NIBAN1: variants seen among roughly 807,000 people sequenced by gnomAD.
NIBAN1 encodes protein Niban 1.
NIBAN1 carries 81 observed loss-of-function variants against 75.1 expected under a neutral mutation model. That is an observed-to-expected ratio of 1.08 (90% CI 0.90 to 1.30). NIBAN1 has a LOEUF of 1.30. Ranked by LOEUF, NIBAN1 falls within the 50% of genes most tolerant of loss-of-function variation. NIBAN1 has a pLI of 0.00. For missense variants in NIBAN1, 1,133 were observed against 1,128.1 expected (o/e 1.00, Z -0.06); for synonymous variants, 436 against 424.8 (o/e 1.03, Z -0.32).
At chr1:184,801,876 C>T (rs1279808976) in intron 12 of NIBAN1, among the ~76,000 whole-genome samples, 1 of 152,196 alleles carries the variant, frequency 6.6e-6, no homozygotes, top group Non-Finnish European at 1.5e-5. Context: ...CATGAAGTGA[C>T]CAACTTTACA....
rs112909986 is a variant in NIBAN1, at chr1:184,961,358, C to G, written c.55+12944G>C. On this transcript the variant is annotated intron_variant, in intron 1 of 13. Coordinates refer to ENST00000367511, the MANE Select transcript of NIBAN1 (RefSeq NM_052966.4). ...TGCTGGGATTACAGTAGTGAGCCACCGCGCCCAGCCTACATGCTGTTCTTT... is the reference window on the plus strand; with the variant it reads ...TGCTGGGATTACAGTAGTGAGCCACGGCGCCCAGCCTACATGCTGTTCTTT... Among the ~76,000 whole-genome samples, 1,307 of 152,092 alleles carry G rather than the reference C, an allele frequency of 8.6e-3. 15 individuals are homozygous for G. Among genetic ancestry groups the G allele is most frequent in the South Asian group, 0.019 (92 of 4,820 alleles).
chr1:184,805,578 A>C (rs1429574321), intron 11 of NIBAN1, among the ~76,000 whole-genome samples: 5 of 152,214 alleles, frequency 3.3e-5, no homozygotes, highest in Admixed American at 6.5e-5. Flanking sequence ...TCGCCAGTTT[A>C]ATGGATTTTA....
intron 1 of NIBAN1, among the ~76,000 whole-genome samples, chr1:184,944,030 T>C (rs1658161776): frequency 6.6e-6 from 1 of 152,184 alleles, no homozygotes; most frequent in Non-Finnish European, 1.5e-5. Context: ...GCAACAGCTA[T>C]ACAATTACCT....
chr1:184,831,153 G>A (rs1571501120), intron 6 of NIBAN1, among the ~76,000 whole-genome samples: 2 of 152,094 alleles, frequency 1.3e-5, no homozygotes, highest in South Asian at 4.1e-4. Flanking sequence ...TTATAATACT[G>A]TCCCTGGGAC....
intron 1 of NIBAN1, among the ~76,000 whole-genome samples, chr1:184,917,504 C>T (rs954339329): frequency 8.6e-5 from 13 of 151,638 alleles, no homozygotes; most frequent in Admixed American, 6.6e-4. Flanking sequence ...CCACCCTGCC[C>T]GGCCGGTCTC....
chr1:184,889,735 T>C (rs903101236), intron 4 of NIBAN1, among the ~76,000 whole-genome samples: 1 of 152,190 alleles, frequency 6.6e-6, no homozygotes, highest in Non-Finnish European at 1.5e-5. Flanking sequence ...GACTGTGTAT[T>C]ATTGAATGGG....
chr1:184,967,981 A>C lies in NIBAN1; in HGVS notation c.55+6321T>G, dbSNP rs1658842769. Among the ~76,000 whole-genome samples, 2 of 60,688 alleles carry C rather than the reference A, an allele frequency of 3.3e-5. 1 individual carries two copies. Among genetic ancestry groups the C allele is most frequent in the Non-Finnish European group, 9.1e-5 (2 of 21,886 alleles). 39.8% of individuals were successfully genotyped at this position (60,688 alleles called of 152,430 possible). ...CACTTTGGGAGGCCGAGGCGGGTGG[A>C]TCATGAGGTCAGGAGATCGAGACCA... On this transcript the variant is annotated intron_variant, in intron 1 of 13. Coordinates refer to ENST00000367511, the MANE Select transcript of NIBAN1 (RefSeq NM_052966.4).
chr1:184,921,006 G>A (rs968440880), intron 1 of NIBAN1, among the ~76,000 whole-genome samples: 2 of 152,080 alleles, frequency 1.3e-5, no homozygotes, highest in Admixed American at 1.3e-4. Context: ...GCAGGCGCCT[G>A]TAGTCCCAGC....
rs539832036 is a variant in NIBAN1 at position 184,802,732 on chromosome 1, C to T, written c.1554+853G>A. Among the ~76,000 whole-genome samples, 8 of 152,286 alleles carry T rather than the reference C, an allele frequency of 5.3e-5. No homozygotes were observed. The South Asian group carries it at 1.2e-3, about 24-fold the overall frequency. On this transcript the variant is annotated intron_variant, in intron 12 of 13. Transcript: ENST00000367511. ...TTTTAAATTCCAAAAACCTCTTTAT[C>T]ATTTGCTCCAAAACGGAGCAGGCCT... is the stretch of plus-strand genomic sequence containing the variant.
chr1:184,859,264 A>T (rs1179430593), intron 5 of NIBAN1, among the ~76,000 whole-genome samples: 1 of 152,118 alleles, frequency 6.6e-6, no homozygotes, highest in East Asian at 1.9e-4. Flanking sequence ...TGACTCAAGG[A>T]ATTATTTGGT....
intron 6 of NIBAN1, among the ~76,000 whole-genome samples, chr1:184,829,171 T>G (rs1308652618): frequency 6.6e-6 from 1 of 152,206 alleles, no homozygotes; most frequent in Non-Finnish European, 1.5e-5. Context: ...TTTTTTGTTT[T>G]GTTTTGCTTT....
chr1:184,822,664 T>A (rs757030470), intron 8 of NIBAN1, among the ~76,000 whole-genome samples: 14 of 152,176 alleles, frequency 9.2e-5, no homozygotes, highest in Non-Finnish European at 1.9e-4. Context: ...CTACATTTAT[T>A]GGGTTTGTAG....
intron 6 of NIBAN1, among the ~76,000 whole-genome samples, chr1:184,827,223 T>C (rs890725198): frequency 6.6e-6 from 1 of 151,818 alleles, no homozygotes; most frequent in African/African-American, 2.4e-5. Flanking sequence ...GAAAACGGAC[T>C]AATACAGTGG....
intron 1 of NIBAN1, among the ~76,000 whole-genome samples, chr1:184,944,220 T>C (rs1372869467): frequency 6.6e-6 from 1 of 152,180 alleles, no homozygotes; most frequent in Non-Finnish European, 1.5e-5. Context: ...ATATGGTCAG[T>C]CAAGCTTGTT....
At chr1:184,908,750 C>T (rs1657166707) in intron 1 of NIBAN1, among the ~76,000 whole-genome samples, 1 of 152,136 alleles carries the variant, frequency 6.6e-6, no homozygotes, top group Non-Finnish European at 1.5e-5. Context: ...TCACAGCACG[C>T]CTCCAATTTT....
At chr1:184,941,374 G>A (rs1658083036) in intron 1 of NIBAN1, among the ~76,000 whole-genome samples, 1 of 152,164 alleles carries the variant, frequency 6.6e-6, no homozygotes, top group Non-Finnish European at 1.5e-5. Context: ...GGAGAGCCGG[G>A]TGCAGTGGTT....
Position 184,795,282 on chromosome 1 carries a change from T to C in NIBAN1, c.2482A>G (p.Arg828Gly). The C allele has an allele frequency of 6.2e-7, 1 of 1,612,768 alleles. No homozygotes were observed. Among genetic ancestry groups the C allele is most frequent in the South Asian group, 1.1e-5 (1 of 91,084 alleles). The change falls in exon 14 of 14, where the codon AGA becomes GGA. Residue 828 changes from arginine to glycine, a missense_variant. By Grantham distance (125) the Arg-to-Gly change is moderately radical (BLOSUM62 -2). Coordinates refer to ENST00000367511, the MANE Select transcript of NIBAN1 (RefSeq NM_052966.4). ...CCTTCCTCGGTACACTTGCCCCCTC[T>C]TCCTTCATGGGCAGTGAGTGTGCAG... Reference protein sequence around the residue: ...EACTLTAHEGRGGKCTEEGDA... With the variant: ...EACTLTAHEGGGGKCTEEGDA...
chr1:184,803,569 T>C lies in NIBAN1; in HGVS notation c.1554+16A>G. 6.2e-7 allele frequency: 1 copy of C among 1,603,022 alleles called. No individual in the cohort carries two copies. Among genetic ancestry groups the C allele is most frequent in the Non-Finnish European group, 8.5e-7 (1 of 1,170,200 alleles). ...GGTAAGAAGAGCAAGCTCTTTAGGG[T>C]AACTCATCCCCTTACTGGTTTGCAT... On this transcript the variant is annotated intron_variant, in intron 12 of 13. Coordinates refer to ENST00000367511, the MANE Select transcript of NIBAN1 (RefSeq NM_052966.4).
intron 1 of NIBAN1, among the ~76,000 whole-genome samples, chr1:184,941,842 A>G (rs1658096315): frequency 6.6e-6 from 1 of 152,176 alleles, no homozygotes; most frequent in Admixed American, 6.5e-5. Context: ...GTCTGTGGTC[A>G]TGTTGCTGCA....
Sources: allele counts gnomAD v4.1 joint callset (sites outside exome capture counted in the v4.1 genomes callset), GRCh38; gene constraint gnomAD v4.1.1; transcripts MANE v1.5; gene names NCBI Gene and HGNC (gene_info 2026-07-23, HGNC 2026-07-21).